The following RANBP2 variants were observed in gnomAD, a reference collection of about 807,000 sequenced individuals.
RANBP2 encodes the protein E3 SUMO-protein ligase RanBP2.
A neutral mutation model predicts 303.6 loss-of-function variants in RANBP2; 57 were observed. The ratio of observed to expected loss-of-function variants is 0.19; its 90% confidence interval spans 0.15 to 0.23. The LOEUF (loss-of-function observed/expected upper bound fraction) is 0.23. Ranked by LOEUF, RANBP2 falls within the 10% of genes least tolerant of loss-of-function variation. The probability of loss-of-function intolerance (pLI) is 1.00; values close to 1 mark genes in which losing one functional copy is unlikely to be tolerated. For synonymous variants in RANBP2, 1,167 were observed against 1,301.5 expected, an observed-to-expected ratio of 0.90 and a Z score of 2.23; for missense variants, 3,138 against 3,780.8, an observed-to-expected ratio of 0.83 and a Z score of 4.46.
At chr2:109,623,582 C>T in the RANBP2 span, among the ~76,000 whole-genome samples, 49 of 152,352 alleles carry the variant, frequency 3.2e-4, no homozygotes, top group African/African-American at 1.1e-3. Context: ...TGGCAGGCGA[C>T]TCCAGTTTCT....
chr2:109,514,457 G>C, the RANBP2 span, among the ~76,000 whole-genome samples: 2 of 152,200 alleles, frequency 1.3e-5, no homozygotes, highest in Non-Finnish European at 2.9e-5. Flanking sequence ...ATGGATGAAA[G>C]GCAGACTCAC....
the RANBP2 span, among the ~76,000 whole-genome samples, chr2:109,358,543 A>C: frequency 5.9e-5 from 9 of 152,208 alleles, no homozygotes; most frequent in African/African-American, 2.2e-4. Flanking sequence ...CTGTTGCTCC[A>C]CATCCTCATC....
Position 108,764,758 on chromosome 2 carries a change from C to G in RANBP2, c.4219C>G (p.Arg1407Gly). 1.2e-6 allele frequency: 2 copies of G among 1,613,924 alleles called. No individual in the cohort carries two copies. Among genetic ancestry groups the G allele is most frequent in the Non-Finnish European group, 1.7e-6 (2 of 1,179,962 alleles). ...PKTSPENVQD[R>G]FALVTPKKEG... ...AACCAGCCCAGAGAATGTTCAAGAT[C>G]GATTTGCATTGGTGACTCCAAAGAA... The change falls in exon 20 of 29, where the codon CGA becomes GGA. Residue 1407 changes from arginine (R) to glycine (G), a missense_variant. Physicochemically the swap from Arg to Gly is moderately radical, Grantham distance 125. Transcript: ENST00000283195.
the RANBP2 span, among the ~76,000 whole-genome samples, chr2:108,994,345 G>T: frequency 2.3e-4 from 35 of 152,242 alleles, no homozygotes; most frequent in African/African-American, 8.2e-4. Context: ...GGTTTGAGAC[G>T]GCCCCCACCA....
At chr2:108,954,927 G>A in the RANBP2 span, among the ~76,000 whole-genome samples, 1,588 of 152,146 alleles carry the variant, frequency 0.01, 24 homozygotes, top group African/African-American at 0.036. Context: ...CAGGTGATCC[G>A]TCTGCCTCAG....
At chr2:109,631,566 G>C in the RANBP2 span, among the ~76,000 whole-genome samples, 1 of 152,070 alleles carries the variant, frequency 6.6e-6, no homozygotes, top group Non-Finnish European at 1.5e-5. Flanking sequence ...GACCAACCTG[G>C]ACAACGTGGT....
chr2:109,237,695 A>C, the RANBP2 span, among the ~76,000 whole-genome samples: 1,532 of 152,310 alleles, frequency 0.01, 11 homozygotes, highest in South Asian at 0.024. Flanking sequence ...CCCAGGGAAG[A>C]CAAAAGATTG....
At chr2:109,570,531 T>TG in the RANBP2 span, among the ~76,000 whole-genome samples, 1 of 151,760 alleles carries the variant, frequency 6.6e-6, no homozygotes, top group Non-Finnish European at 1.5e-5. Flanking sequence ...TATCAGGTTT[T>TG]TTTTTTTTTC....
the RANBP2 span, among the ~76,000 whole-genome samples, chr2:109,200,516 C>G: frequency 6.6e-6 from 1 of 152,166 alleles, no homozygotes; most frequent in Admixed American, 6.5e-5. Flanking sequence ...TCCAAGCCTC[C>G]GACTCTGCCC....
chr2:109,685,405 C>G, the RANBP2 span, among the ~76,000 whole-genome samples: 1 of 152,276 alleles, frequency 6.6e-6, no homozygotes, highest in African/African-American at 2.4e-5. Context: ...TGTCAAATTG[C>G]CTTTGTAGAG....
At chr2:109,382,907 A>G in the RANBP2 span, among the ~76,000 whole-genome samples, 15 of 152,054 alleles carry the variant, frequency 9.9e-5, no homozygotes, top group Admixed American at 5.2e-4. Context: ...ATCTCATTCT[A>G]TGGATTAATG....
the RANBP2 span, among the ~76,000 whole-genome samples, chr2:109,036,030 A>G: frequency 1.3e-5 from 2 of 152,226 alleles, no homozygotes; most frequent in Non-Finnish European, 2.9e-5. Flanking sequence ...CACAAATCCA[A>G]TAGCCACTGA....
the RANBP2 span, among the ~76,000 whole-genome samples, chr2:108,866,407 G>A: frequency 6.6e-6 from 1 of 152,108 alleles, no homozygotes; most frequent in Non-Finnish European, 1.5e-5. Flanking sequence ...ATCTTTTGGG[G>A]GAACCATCAT....
At chr2:109,614,058 G>T in the RANBP2 span, 1 of 1,212,362 alleles carries the variant, frequency 8.2e-7, no homozygotes, top group Non-Finnish European at 1.0e-6. Flanking sequence ...CGCCAAGCGA[G>T]CCCCTCACAG....
At chr2:109,490,954 T>C in the RANBP2 span, 4 of 1,458,776 alleles carry the variant, frequency 2.7e-6, no homozygotes, top group Non-Finnish European at 2.7e-6. Flanking sequence ...CAGGGGCTTG[T>C]CTGCTCTGTG....
chr2:108,764,468 C>T lies in RANBP2; in HGVS notation c.3929C>T (p.Thr1310Ile), dbSNP rs754002174. The T allele has an allele frequency of 6.2e-7, 1 of 1,613,842 alleles. No individual in the cohort carries two copies. Among genetic ancestry groups the T allele is most frequent in the African/African-American group, 1.3e-5 (1 of 74,902 alleles). The part of the protein sequence containing the change: ...EAQSILKAPG[T>I]NVAMASNQAV... ...CAGAGCATTTTAAAAGCCCCAGGAA[C>T]AAATGTAGCCATGGCGTCAAATCAG... Residue 1310 changes from threonine to isoleucine, a missense_variant, in exon 20 of 29, where the codon ACA (threonine) becomes ATA (isoleucine). This residue lies in a region of RANBP2 where 388 missense variants were observed against 328.5 expected (regional missense o/e 1.18). Transcript: ENST00000283195.
chr2:108,932,548 A>G, the RANBP2 span, among the ~76,000 whole-genome samples: 402 of 151,234 alleles, frequency 2.7e-3, 1 homozygote, highest in African/African-American at 9.4e-3. Context: ...AAAAAAAAAA[A>G]AAAAGAAAGA....
At chr2:108,967,626 G>A in the RANBP2 span, among the ~76,000 whole-genome samples, 1 of 152,210 alleles carries the variant, frequency 6.6e-6, no homozygotes, top group East Asian at 1.9e-4. Context: ...GCCTGACAGA[G>A]TGTGTCTTTG....
the RANBP2 span, among the ~76,000 whole-genome samples, chr2:109,424,583 G>A: frequency 1.3e-5 from 2 of 152,108 alleles, no homozygotes; most frequent in South Asian, 2.1e-4. Context: ...GTCACATTTC[G>A]GTAATTCTTA....
Sources: gnomAD v4.1 joint callset for allele counts (sites outside exome capture counted in the v4.1 genomes callset) on GRCh38, gnomAD v4.1.1 for gene constraint, gnomAD v4.1.1 regional missense constraint, MANE v1.5 for transcripts, NCBI Gene and HGNC (gene_info 2026-07-23, HGNC 2026-07-21) for gene names.